Variants in SP4 observed in about 807,000 individuals in gnomAD.
SP4 encodes the protein Sp4 transcription factor, also known as transcription factor Sp4.
SP4 carries 19 observed loss-of-function variants against 72.8 expected under a neutral mutation model. The observed-to-expected ratio is 0.26, with a 90% confidence interval of 0.18 to 0.38. The LOEUF is 0.38. SP4 is among the 10% of genes least tolerant of loss of function. The probability of loss-of-function intolerance (pLI) is 1.00; values close to 1 mark genes in which losing one functional copy is unlikely to be tolerated. For synonymous variants in SP4, 395 were observed against 333.1 expected (o/e 1.19, Z -2.02); for missense variants, 1,008 against 926.3 (o/e 1.09, Z -1.14).
At chr7:21,492,834 T>A (rs921572200) in intron 5 of SP4, among the ~76,000 whole-genome samples, 87 of 152,238 alleles carry the variant, frequency 5.7e-4, no homozygotes, top group African/African-American at 2.1e-3. Context: ...ATGTGTATTT[T>A]ATTCAAGAGC....
intron 3 of SP4, among the ~76,000 whole-genome samples, chr7:21,469,949 C>T (rs1784282980): frequency 6.6e-6 from 1 of 151,912 alleles, no homozygotes; most frequent in South Asian, 2.1e-4. Context: ...AATCTGATAC[C>T]TGAGAGAGTA....
In SP4 at chr7:21,513,935, C is replaced by T. The variant is rs1210224309; in HGVS notation, c.*2666C>T. Reference sequence around the variant, plus strand: ...TAGAAGAATCGTAAATTTCAGTGTCCTTTATTTGACTCAGTGGGATATAGC... The same window carrying T: ...TAGAAGAATCGTAAATTTCAGTGTCTTTTATTTGACTCAGTGGGATATAGC... On this transcript the variant is annotated 3_prime_UTR_variant, in exon 6 of 6. Coordinates refer to ENST00000222584, the MANE Select transcript of SP4 (RefSeq NM_003112.5). The T allele has an allele frequency of 4.6e-5, 7 of 152,438 alleles. No individual in the cohort carries two copies. Among genetic ancestry groups the T allele is most frequent in the Non-Finnish European group, 1.0e-4 (7 of 67,988 alleles). 9.4% of individuals were successfully genotyped at this position (152,438 alleles called of 1,614,324 possible).
chr7:21,502,040 AC>A (rs55723306), intron 5 of SP4, among the ~76,000 whole-genome samples: 23,346 of 72,140 alleles, frequency 0.32, 2,709 homozygotes, highest in Non-Finnish European at 0.37. Flanking sequence ...TTCATTAGGC[AC>A]CCCCCCCCCC....
intron 5 of SP4, chr7:21,482,726 A>T: frequency 1.0e-6 from 1 of 976,652 alleles, no homozygotes; most frequent in Non-Finnish European, 1.2e-6. Flanking sequence ...GACATATATG[A>T]TTAATGGATC....
chr7:21,482,010 G>A lies in SP4; in HGVS notation c.1994G>A (p.Arg665Gln), dbSNP rs1431205702. 1 of 1,613,824 alleles carries A rather than the reference G, an allele frequency of 6.2e-7. No homozygotes were observed. The highest frequency in any genetic ancestry group is 1.1e-5 in the South Asian group (1 of 91,082). The change falls in exon 5 of 6, where the codon CGA becomes CAA. Residue 665 changes from arginine to glutamine, a missense_variant. This residue lies in a region of SP4 where 48 missense variants were observed against 117.0 expected (regional missense o/e 0.41). Transcript: ENST00000222584. The stretch of plus-strand genomic sequence containing the variant: ...GTTTATGGCAAAACATCTCATTTAC[G>A]AGCACATCTTCGCTGGCATACTGGA... ...GKVYGKTSHL[R>Q]AHLRWHTGER...
At chr7:21,451,962 C>T (rs752181888) in intron 3 of SP4, among the ~76,000 whole-genome samples, 16 of 152,168 alleles carry the variant, frequency 1.1e-4, no homozygotes, top group Non-Finnish European at 1.8e-4. Flanking sequence ...TAACCAATTC[C>T]GATACATGCC....
chr7:21,432,925 T>A (rs1782914117), intron 3 of SP4, among the ~76,000 whole-genome samples: 1 of 152,148 alleles, frequency 6.6e-6, no homozygotes, highest in Non-Finnish European at 1.5e-5. Flanking sequence ...ACCCGGGGGA[T>A]CCAGGCTGCG....
At chr7:21,502,365 CT>C (rs1023220567) in intron 5 of SP4, among the ~76,000 whole-genome samples, 32 of 152,260 alleles carry the variant, frequency 2.1e-4, no homozygotes, top group African/African-American at 7.7e-4. Context: ...ACTCTGCCCC[CT>C]GCCTGGAGAG....
chr7:21,481,797 T>A, intron 4 of SP4, 127 bp from the exon 5 acceptor site: 1 of 689,508 alleles, frequency 1.5e-6, no homozygotes, highest in South Asian at 1.9e-5. Flanking sequence ...TGAACTACAG[T>A]TATGGCATCA....
rs1396297841 is a variant in SP4, at chr7:21,429,730, C to T, written c.565C>T (p.Leu189=). 2 of 1,614,148 alleles carry T rather than the reference C, an allele frequency of 1.2e-6. No individual in the cohort carries two copies. Among genetic ancestry groups the T allele is most frequent in the Non-Finnish European group, 1.7e-6 (2 of 1,180,028 alleles). The change falls in exon 3 of 6, where the codon CTA becomes TTA. Residue 189 remains leucine, a synonymous_variant. Coordinates refer to ENST00000222584, the MANE Select transcript of SP4 (RefSeq NM_003112.5). ...AATCAATCCAACTAGTAGTTCATCT[C>T]TACAGGATTTGCAGGGTCAAATTCA... ...IQINPTSSSS[L]QDLQGQIQLI...
chr7:21,493,162 T>C (rs542399549), intron 5 of SP4, among the ~76,000 whole-genome samples: 1 of 150,662 alleles, frequency 6.6e-6, no homozygotes, highest in South Asian at 2.1e-4. Context: ...ATTGCACCAT[T>C]GCACTCCAGC....
chr7:21,471,259 G>A lies in SP4; in HGVS notation c.1679-5820G>A, dbSNP rs979278594. 6 of 368,586 alleles carry A rather than the reference G, an allele frequency of 1.6e-5. No individual in the cohort carries two copies. The East Asian group carries it at 4.7e-4, about 29-fold the overall frequency. 22.8% of individuals were successfully genotyped at this position (368,586 alleles called of 1,614,324 possible). A position where few individuals can be genotyped will look rare whatever the true frequency, so the allele number is the denominator to read the frequency against. ...TATGGAGGGCCCATTGGCTTTTTGG[G>A]GAGCTAGGTCTGCAATATGAATATT... is the stretch of plus-strand genomic sequence containing the variant. On this transcript the variant is annotated intron_variant, in intron 3 of 5. Transcript: ENST00000222584.
intron 5 of SP4, among the ~76,000 whole-genome samples, chr7:21,508,192 C>A (rs1782053406): frequency 6.6e-6 from 1 of 152,092 alleles, no homozygotes; most frequent in African/African-American, 2.4e-5. Context: ...CGGCTGGAGT[C>A]CCACTCCATG....
chr7:21,480,209 T>A (rs1784644758), intron 4 of SP4, among the ~76,000 whole-genome samples: 1 of 152,186 alleles, frequency 6.6e-6, no homozygotes, highest in Non-Finnish European at 1.5e-5. Context: ...ATAAGAGAGA[T>A]GTCTGTGGTT....
Position 21,428,183 on chromosome 7 carries a change from G to GCCCCCCCCCCCCCCCCCCCCCCC in SP4, c.-67_-66insCCCCCCCCCCCCCCCCCCCCCCC. On this transcript the variant is annotated 5_prime_UTR_variant, in exon 1 of 6. Coordinates refer to ENST00000222584, the MANE Select transcript of SP4 (RefSeq NM_003112.5). ...GCGGGCGGGACCGGCCTCTCCTCCC[G>GCCCCCCCCCCCCCCCCCCCCCCC]CCTCGCCCCCACCCCCACCCACCTC... 1 of 370,468 alleles carries GCCCCCCCCCCCCCCCCCCCCCCC rather than the reference G, an allele frequency of 2.7e-6. No homozygotes were observed. Among genetic ancestry groups the GCCCCCCCCCCCCCCCCCCCCCCC allele is most frequent in the Non-Finnish European group, 5.3e-6 (1 of 190,028 alleles). The allele number at this position is 370,468 out of a possible 1,614,324, so 22.9% of individuals were successfully genotyped here.
At chr7:21,493,308 G>A (rs1364599637) in intron 5 of SP4, among the ~76,000 whole-genome samples, 1 of 151,666 alleles carries the variant, frequency 6.6e-6, no homozygotes, top group Admixed American at 6.6e-5. Flanking sequence ...CAACACATGG[G>A]CCAAGAAAAA....
At chr7:21,450,010 ATATTT>A (rs1783542652) in intron 3 of SP4, among the ~76,000 whole-genome samples, 1 of 151,900 alleles carries the variant, frequency 6.6e-6, no homozygotes, top group African/African-American at 2.4e-5. Context: ...ATAGTTATTT[ATATTT>A]TATTTTATAA....
At chr7:21,441,161 G>T (rs1783233267) in intron 3 of SP4, among the ~76,000 whole-genome samples, 2 of 152,332 alleles carry the variant, frequency 1.3e-5, no homozygotes, top group African/African-American at 4.8e-5. Flanking sequence ...GCTTTTTCTG[G>T]TGGAGATAGG....
intron 5 of SP4, among the ~76,000 whole-genome samples, chr7:21,492,378 C>T (rs1178491991): frequency 1.3e-5 from 2 of 152,164 alleles, no homozygotes; most frequent in African/African-American, 4.8e-5. Context: ...TTGATAATCT[C>T]TAATTCACAG....
Sources: allele counts gnomAD v4.1 joint callset (sites outside exome capture counted in the v4.1 genomes callset), GRCh38; gene constraint gnomAD v4.1.1; regional missense constraint gnomAD v4.1.1; transcripts MANE v1.5; gene names NCBI Gene and HGNC (gene_info 2026-07-23, HGNC 2026-07-21).